DIS3L2: variants seen among roughly 807,000 people sequenced by gnomAD.
DIS3L2 encodes DIS3-like exonuclease 2.
In DIS3L2, 34 loss-of-function variants were observed where a neutral mutation model predicts 97.5. The observed-to-expected ratio is 0.35, with a 90% CI of 0.27 to 0.46. The LOEUF (loss-of-function observed/expected upper bound fraction) is 0.46, where lower values mean the gene tolerates loss of function less well. DIS3L2 is among the 20% of genes least tolerant of loss of function. The probability of loss-of-function intolerance (pLI) is 1.00; values close to 1 mark genes in which losing one functional copy is unlikely to be tolerated. For synonymous variants in DIS3L2, 435 were observed against 445.2 expected (o/e 0.98, Z 0.29); for missense variants, 1,038 against 1,146.0 (o/e 0.91, Z 1.36).
In DIS3L2 at chr2:232,293,458, G is replaced by C. The variant is rs1694651159; in HGVS notation, c.1660-6582G>C. Among the ~76,000 whole-genome samples, 1 of 152,184 alleles carries C rather than the reference G, an allele frequency of 6.6e-6. No homozygotes were observed. The highest frequency in any genetic ancestry group is 1.5e-5 in the Non-Finnish European group (1 of 68,032). On this transcript the variant is annotated intron_variant, in intron 13 of 20. Coordinates refer to ENST00000325385, the MANE Select transcript of DIS3L2 (RefSeq NM_152383.5). The surrounding 1 kb of genome is among the most constrained non-coding windows in gnomAD (Gnocchi z 4.6). ...GAAAACAAAAGATCAGGGCCACTTT[G>C]ACAGAGGAGGGACAGGCAGGAAGGG...
intron 10 of DIS3L2, among the ~76,000 whole-genome samples, chr2:232,211,919 G>A (rs1692202019): frequency 6.6e-6 from 1 of 151,990 alleles, no homozygotes; most frequent in South Asian, 2.1e-4. Context: ...GGAATGCAGT[G>A]GCTCATTGCA....
At chr2:232,255,944 C>T (rs892597534) in intron 12 of DIS3L2, among the ~76,000 whole-genome samples, 1 of 152,190 alleles carries the variant, frequency 6.6e-6, no homozygotes, top group African/African-American at 2.4e-5. Flanking sequence ...CAGCCCCCTT[C>T]CTTAACTACC....
chr2:232,230,396 G>C (rs1274069049), intron 10 of DIS3L2, among the ~76,000 whole-genome samples: 1 of 152,148 alleles, frequency 6.6e-6, no homozygotes, highest in African/African-American at 2.4e-5. Flanking sequence ...CATCCCTTTC[G>C]CTCAGCCCCC....
chr2:232,049,362 T>C (rs1396052574), intron 5 of DIS3L2, among the ~76,000 whole-genome samples: 1 of 152,192 alleles, frequency 6.6e-6, no homozygotes, highest in Non-Finnish European at 1.5e-5. Context: ...CCAGAATTCA[T>C]GTGTTAGAAA....
chr2:231,994,501 G>A (rs7573473), intron 1 of DIS3L2, among the ~76,000 whole-genome samples: 3,135 of 152,174 alleles, frequency 0.021, 97 homozygotes, highest in African/African-American at 0.071. Flanking sequence ...TGGTCTACTA[G>A]TGTCAACAGC....
rs186635711 is a variant in DIS3L2, at chr2:231,970,621, C to G, written c.-94+8856C>G. On this transcript the variant is annotated intron_variant, in intron 1 of 20. Coordinates refer to ENST00000325385, the MANE Select transcript of DIS3L2 (RefSeq NM_152383.5). ...GGGCATTGACCATGAATGGAAGTTGCAGGCTTGGAAGTTGCTCGGGTGAGT... is the reference window on the plus strand; with the variant it reads ...GGGCATTGACCATGAATGGAAGTTGGAGGCTTGGAAGTTGCTCGGGTGAGT... Among the ~76,000 whole-genome samples, 7 of 152,228 alleles carry G rather than the reference C, an allele frequency of 4.6e-5. No individual in the cohort carries two copies. In the East Asian group the frequency reaches 1.4e-3, roughly 29 times the overall value.
At chr2:232,161,217 A>G (rs1259889623) in intron 8 of DIS3L2, among the ~76,000 whole-genome samples, 1 of 151,592 alleles carries the variant, frequency 6.6e-6, no homozygotes, top group Non-Finnish European at 1.5e-5. Flanking sequence ...CGCCCAGCCT[A>G]TTTGTTCATT....
Position 232,336,930 on chromosome 2 carries a change from G to A in DIS3L2, c.*300G>A, listed in dbSNP as rs1249617142. 2 of 1,219,936 alleles carry A rather than the reference G, an allele frequency of 1.6e-6. No individual in the cohort carries two copies. The highest frequency in any genetic ancestry group is 2.1e-6 in the Non-Finnish European group (2 of 972,648). 75.6% of individuals were successfully genotyped at this position (1,219,936 alleles called of 1,614,324 possible). A position where few individuals can be genotyped will look rare whatever the true frequency, so the allele number is the denominator to read the frequency against. ...CCCTCCTCTGCCCAGGAAATGGGGG[G>A]GTTTCAGCAACTCAGTGTCACAGAA... On this transcript the variant is annotated 3_prime_UTR_variant, in exon 21 of 21. Transcript: ENST00000325385.
chr2:232,290,001 T>G (rs776986849), intron 13 of DIS3L2, among the ~76,000 whole-genome samples: 1 of 152,272 alleles, frequency 6.6e-6, no homozygotes, highest in Non-Finnish European at 1.5e-5. Context: ...AGGGGTGATA[T>G]GCAGTTCCTG....
chr2:232,249,250 G>C lies in DIS3L2; in HGVS notation c.1329G>C (p.Met443Ile), dbSNP rs1466322904. 5 of 1,613,982 alleles carry C rather than the reference G, an allele frequency of 3.1e-6. No individual in the cohort carries two copies. The highest frequency in any genetic ancestry group is 4.2e-6 in the Non-Finnish European group (5 of 1,180,010). Residue 443 changes from methionine (M) to isoleucine (I), a missense_variant, in exon 12 of 21, where the codon ATG (methionine) becomes ATC (isoleucine). Transcript: ENST00000325385. ...SVYLVQKVVP[M>I]LPRLLCEELC... ...TGCTCTATTTACAGGTGGTCCCCAT[G>C]CTTCCCAGGCTGCTGTGTGAGGAGC...
chr2:232,185,508 A>C (rs1691407432), intron 9 of DIS3L2, among the ~76,000 whole-genome samples: 2 of 152,204 alleles, frequency 1.3e-5, no homozygotes, highest in Non-Finnish European at 2.9e-5. Context: ...AGATCTCAGC[A>C]GTGAGCTATG....
chr2:231,968,658 G>A (rs538036614), intron 1 of DIS3L2, among the ~76,000 whole-genome samples: 3 of 152,052 alleles, frequency 2.0e-5, no homozygotes, highest in Non-Finnish European at 4.4e-5. Context: ...AACAAATAAG[G>A]CTTCTATAAA....
At chr2:232,277,593 C>T (rs1480268490) in intron 13 of DIS3L2, among the ~76,000 whole-genome samples, 2 of 151,992 alleles carry the variant, frequency 1.3e-5, no homozygotes, top group Non-Finnish European at 2.9e-5. Flanking sequence ...CAAAAGCAGC[C>T]ATTGTTCACC....
At chr2:232,335,959 G>C in intron 20 of DIS3L2, 85 bp downstream of exon 20, 3 of 1,542,984 alleles carry the variant, frequency 1.9e-6, no homozygotes, top group Non-Finnish European at 1.7e-6. Context: ...CTTCATCTGT[G>C]TCCCCTGGGC....
chr2:232,011,703 T>A (rs551975568), intron 1 of DIS3L2, among the ~76,000 whole-genome samples: 1 of 151,782 alleles, frequency 6.6e-6, no homozygotes, highest in East Asian at 1.9e-4. Context: ...TTGCCCAGGC[T>A]GGAGTGCACA....
chr2:232,166,440 TTGGGCCGG>T (rs1334658553), intron 9 of DIS3L2, among the ~76,000 whole-genome samples: 1 of 152,154 alleles, frequency 6.6e-6, no homozygotes, highest in Non-Finnish European at 1.5e-5. Context: ...AAAATTACTT[TTGGGCCGG>T]GCGCCGTGGC....
intron 9 of DIS3L2, among the ~76,000 whole-genome samples, chr2:232,205,586 G>A (rs1453148035): frequency 2.0e-5 from 3 of 152,012 alleles, no homozygotes; most frequent in Non-Finnish European, 4.4e-5. Context: ...ACAGCCATGA[G>A]CCACCGTGCC....
rs773744387 is a variant in DIS3L2, at chr2:232,087,605, C to T, written c.485C>T (p.Pro162Leu). ...QQSLKSYNDS[P>L]DVIVEAQFDG... is the part of the protein sequence containing the mutation. ...TCCCTGAAAAGCTATAATGACAGTC[C>T]TGATGTCATTGTAGAGGCTCAGTTT... The change falls in exon 6 of 21, where the codon CCT (proline) becomes CTT (leucine). Residue 162 changes from proline (P) to leucine (L), a missense_variant. Pro to Leu is a moderately conservative substitution (Grantham distance 98). Around this residue, in one of 3 missense-constraint regions of DIS3L2, gnomAD observed 813 missense variants for 880.1 expected, o/e 0.92. Transcript: ENST00000325385. 5 of 1,614,014 alleles carry T rather than the reference C, an allele frequency of 3.1e-6. No homozygotes were observed. The highest frequency in any genetic ancestry group is 4.2e-6 in the Non-Finnish European group (5 of 1,179,934).
intron 10 of DIS3L2, among the ~76,000 whole-genome samples, chr2:232,225,769 G>A (rs898354997): frequency 1.3e-5 from 2 of 152,056 alleles, no homozygotes; most frequent in African/African-American, 2.4e-5. Context: ...CAAAAAAAAT[G>A]GAAACAACCC....
Sources: allele counts gnomAD v4.1 joint callset (sites outside exome capture counted in the v4.1 genomes callset), GRCh38; gene constraint gnomAD v4.1.1; regional missense constraint gnomAD v4.1.1; non-coding constraint Gnocchi (gnomAD v3.1); transcripts MANE v1.5; gene names NCBI Gene and HGNC (gene_info 2026-07-23, HGNC 2026-07-21).